CABCOCO1: variants seen among roughly 807,000 people sequenced by gnomAD.
CABCOCO1 encodes ciliary associated calcium binding coiled-coil 1.
A neutral mutation model predicts 35.7 loss-of-function variants in CABCOCO1; 28 were observed. The ratio of observed to expected loss-of-function variants is 0.78; its 90% CI spans 0.58 to 1.07. The LOEUF is 1.07. Ranked by LOEUF, CABCOCO1 falls within the 50% of genes least tolerant of loss-of-function variation. The pLI is 0.00. For synonymous variants in CABCOCO1, 95 were observed against 100.1 expected (o/e 0.95, Z 0.30); for missense variants, 326 against 309.2 (o/e 1.05, Z -0.41).
chr10:61,728,751 C>T (rs1397369091), intron 5 of CABCOCO1, among the ~76,000 whole-genome samples: 3 of 152,236 alleles, frequency 2.0e-5, no homozygotes, highest in Admixed American at 6.5e-5. Flanking sequence ...TATCCATCCA[C>T]GAGCCACCTT....
intron 5 of CABCOCO1, among the ~76,000 whole-genome samples, chr10:61,747,257 G>A (rs559864857): frequency 6.6e-6 from 1 of 152,152 alleles, no homozygotes; most frequent in Non-Finnish European, 1.5e-5. Flanking sequence ...AATTGGTGTG[G>A]TAATATTACC....
chr10:61,680,676 ATG>A (rs1297951381), intron 2 of CABCOCO1, among the ~76,000 whole-genome samples: 2 of 82,476 alleles, frequency 2.4e-5, no homozygotes, highest in Admixed American at 1.4e-4. Flanking sequence ...TATAACATAT[ATG>A]TTATACATGT....
At chr10:61,669,995 T>C (rs1433212623) in intron 1 of CABCOCO1, among the ~76,000 whole-genome samples, 1 of 152,152 alleles carries the variant, frequency 6.6e-6, no homozygotes, top group Non-Finnish European at 1.5e-5. Flanking sequence ...CAAACTATCA[T>C]GAGATCTGGA....
rs539222710 is a variant in CABCOCO1 at position 61,723,493 on chromosome 10, T to C, written c.552+32872T>C. On this transcript the variant is annotated intron_variant, in intron 5 of 7. Coordinates refer to ENST00000648843, the MANE Select transcript of CABCOCO1 (RefSeq NM_001366906.2). ...TGTAATAAGAGAATGAAACAGGCAGTGTATTAGTGTGCTCAGATTGCCATA... is the reference window on the plus strand; with the variant it reads ...TGTAATAAGAGAATGAAACAGGCAGCGTATTAGTGTGCTCAGATTGCCATA... 7.2e-5 allele frequency among the ~76,000 whole-genome samples: 11 copies of C among 152,252 alleles called. No homozygotes were observed. The South Asian group carries it at 2.3e-3, about 32-fold the overall frequency.
intron 5 of CABCOCO1, among the ~76,000 whole-genome samples, chr10:61,745,435 G>C (rs1379383813): frequency 6.6e-6 from 1 of 152,072 alleles, no homozygotes; most frequent in Non-Finnish European, 1.5e-5. Context: ...CTCTTTGTCT[G>C]GCCTATCCCT....
At chr10:61,681,078 C>T (rs2131976814) in intron 2 of CABCOCO1, 65 bp from the exon 3 acceptor site, 3 of 1,026,874 alleles carry the variant, frequency 2.9e-6, no homozygotes, top group East Asian at 7.1e-5. Context: ...GTTTTCAAAA[C>T]TTAGGAAAGA....
intron 5 of CABCOCO1, among the ~76,000 whole-genome samples, chr10:61,714,280 T>C (rs531099557): frequency 6.6e-6 from 1 of 152,288 alleles, no homozygotes; most frequent in African/African-American, 2.4e-5. Flanking sequence ...TCTTGTAGAT[T>C]TTCTAGTTTA....
intron 5 of CABCOCO1, among the ~76,000 whole-genome samples, chr10:61,751,104 T>C (rs1841772459): frequency 6.7e-6 from 1 of 150,182 alleles, no homozygotes; most frequent in Non-Finnish European, 1.5e-5. Flanking sequence ...CCTGGCAGGA[T>C]GCAGGGAAAA....
At chr10:61,708,213 G>A (rs1296639090) in intron 5 of CABCOCO1, among the ~76,000 whole-genome samples, 1 of 150,980 alleles carries the variant, frequency 6.6e-6, no homozygotes, top group African/African-American at 2.4e-5. Context: ...TAGTGAGAGT[G>A]ATTCAATGAA....
intron 5 of CABCOCO1, among the ~76,000 whole-genome samples, chr10:61,691,600 C>G (rs918569557): frequency 6.6e-6 from 1 of 152,058 alleles, no homozygotes; most frequent in African/African-American, 2.4e-5. Flanking sequence ...CCCATCAACC[C>G]GTCATTTACA....
At chr10:61,750,557 C>A (rs1286976519) in intron 5 of CABCOCO1, among the ~76,000 whole-genome samples, 2 of 152,170 alleles carry the variant, frequency 1.3e-5, no homozygotes, top group Non-Finnish European at 2.9e-5. Flanking sequence ...GCCTGGGCAA[C>A]AGAGCAAGAC....
chr10:61,663,015 A>C lies in CABCOCO1; in HGVS notation c.43A>C (p.Thr15Pro), dbSNP rs2131936595. The change falls in exon 1 of 8, where the codon ACC (threonine) becomes CCC (proline). Residue 15 changes from threonine to proline, a missense_variant. By Grantham distance (38) the Thr-to-Pro change is conservative (BLOSUM62 -1). Transcript: ENST00000648843. ...TCCCTGGGGGCCGACCCCGGCGGGA[A>C]CCACGCCCGAATCGGAGGTACACCG... ...TTPWGPTPAG[T>P]TPESERDTEF... 2.9e-5 allele frequency: 1 copy of C among 35,006 alleles called. No individual in the cohort carries two copies. The highest frequency in any genetic ancestry group is 9.1e-5 in the Non-Finnish European group (1 of 10,978). The allele number at this position is 35,006 out of a possible 1,614,324, so 2.2% of individuals were successfully genotyped here.
intron 5 of CABCOCO1, among the ~76,000 whole-genome samples, chr10:61,735,982 C>G (rs548665970): frequency 9.2e-5 from 14 of 152,208 alleles, no homozygotes; most frequent in African/African-American, 3.4e-4. Context: ...TGTTCATGTC[C>G]TTTGCCCACT....
chr10:61,676,657 G>C (rs1439509691), intron 2 of CABCOCO1, among the ~76,000 whole-genome samples: 1 of 152,068 alleles, frequency 6.6e-6, no homozygotes, highest in East Asian at 1.9e-4. Context: ...AATGTAAAGG[G>C]TTAATATCCC....
intron 4 of CABCOCO1, 113 bp downstream of exon 4, chr10:61,686,298 C>G: frequency 1.1e-6 from 1 of 880,180 alleles, no homozygotes; most frequent in Non-Finnish European, 1.6e-6. Context: ...AGAATTTATG[C>G]CATAATTAGC....
At chr10:61,748,285 T>C (rs1346452620) in intron 5 of CABCOCO1, among the ~76,000 whole-genome samples, 1 of 152,232 alleles carries the variant, frequency 6.6e-6, no homozygotes, top group Admixed American at 6.5e-5. Flanking sequence ...AATTCTTTAG[T>C]AAATATTTAT....
At chr10:61,701,989 T>A in intron 5 of CABCOCO1, 1 of 209,776 alleles carries the variant, frequency 4.8e-6, no homozygotes, top group Non-Finnish European at 8.3e-6. Flanking sequence ...AATATAGAAG[T>A]AGCCAGAAAT....
chr10:61,761,038 T>A, intron 7 of CABCOCO1, 35 bp downstream of exon 7: 1 of 1,603,826 alleles, frequency 6.2e-7, no homozygotes, highest in Non-Finnish European at 8.5e-7. Context: ...ACTTACTTTA[T>A]TACTGGTTAA....
chr10:61,743,209 G>T lies in CABCOCO1; in HGVS notation c.553-16850G>T, dbSNP rs370017870. 6.2e-4 allele frequency among the ~76,000 whole-genome samples: 94 copies of T among 152,164 alleles called. 1 individual carries two copies. The South Asian group carries it at 0.019, about 31-fold the overall frequency. The stretch of plus-strand genomic sequence containing the variant: ...AGGGAAATATATTGTCCTAACTTTT[G>T]CTAAACTTGTTTTTTAAGTTGCTGG... On this transcript the variant is annotated intron_variant, in intron 5 of 7. Coordinates refer to ENST00000648843, the MANE Select transcript of CABCOCO1 (RefSeq NM_001366906.2).
Sources: gnomAD v4.1 joint callset for allele counts (sites outside exome capture counted in the v4.1 genomes callset) on GRCh38, gnomAD v4.1.1 for gene constraint, MANE v1.5 for transcripts, NCBI Gene and HGNC (gene_info 2026-07-23, HGNC 2026-07-21) for gene names.